Variants in NEK9 observed in about 807,000 individuals in gnomAD.
NEK9 encodes the protein NIMA related kinase 9.
A neutral mutation model predicts 123.4 loss-of-function variants in NEK9; 75 were observed. The observed-to-expected ratio is 0.61, with a 90% CI of 0.50 to 0.74. NEK9 has a LOEUF of 0.74. NEK9 is among the 30% of genes least tolerant of loss of function. The probability of loss-of-function intolerance (pLI) is 0.00; values close to 1 mark genes in which losing one functional copy is unlikely to be tolerated. For missense variants in NEK9, 952 were observed against 1,214.4 expected, an observed-to-expected ratio of 0.78 and a Z score of 3.21; for synonymous variants, 438 against 458.7, an observed-to-expected ratio of 0.95 and a Z score of 0.58.
In NEK9 at chr14:75,091,377, G is replaced by A. The variant is rs374517383; in HGVS notation, c.2335C>T (p.Arg779Ter). 47 of 1,613,768 alleles carry A rather than the reference G, an allele frequency of 2.9e-5. No individual in the cohort carries two copies. The highest frequency in any genetic ancestry group is 4.4e-5 in the South Asian group (4 of 91,054). ...CCTCGGTCTGCTTCCATTGTTCCTC[G>A]GAAGCCTCCACTTGGGTCAGGAGTT... The part of the protein sequence containing the change: ...SETPDPSGGF[R>*]GTMEADRGME... Residue 779 changes from arginine to a stop codon, truncating the protein, a stop_gained, in exon 19 of 22, where the codon CGA becomes TGA. Transcript: ENST00000238616. LOFTEE classifies it high-confidence loss of function.
In NEK9 at chr14:75,100,128, C is replaced by CAAAAAAAAAAAAA. The variant is rs71119346; in HGVS notation, c.2002+851_2002+863dup. Among the ~76,000 whole-genome samples the CAAAAAAAAAAAAA allele has an allele frequency of 1.1e-3, 17 of 15,626 alleles. 6 individuals carry two copies. Among genetic ancestry groups the CAAAAAAAAAAAAA allele is most frequent in the Non-Finnish European group, 2.1e-3 (15 of 7,310 alleles). 10.3% of individuals were successfully genotyped at this position (15,626 alleles called of 152,430 possible). A position where few individuals can be genotyped will look rare whatever the true frequency, so the allele number is the denominator to read the frequency against. ...TGGGCAATAGAGCAAGACTCCATCT[C>CAAAAAAAAAAAAA]AAAAAAAAAAAAAAAAAAAAAAAAA... is the stretch of plus-strand genomic sequence containing the variant. On this transcript the variant is annotated intron_variant, in intron 16 of 21. Coordinates refer to ENST00000238616, the MANE Select transcript of NEK9 (RefSeq NM_033116.6).
At position 75,123,447 on chromosome 14, in the gene NEK9, A is replaced by C. The variant is rs966070576; in HGVS notation, c.397+599T>G. Among the ~76,000 whole-genome samples the C allele has an allele frequency of 2.6e-5, 4 of 152,066 alleles. No individual in the cohort carries two copies. In the South Asian group the frequency reaches 8.3e-4, roughly 31 times the overall value. Reference sequence around the variant, plus strand: ...TAATAAAAATAAAATGAGGAAACTGAGGCACAGAGAAGTTAAGTTTCTTGC... The same window carrying C: ...TAATAAAAATAAAATGAGGAAACTGCGGCACAGAGAAGTTAAGTTTCTTGC... On this transcript the variant is annotated intron_variant, in intron 2 of 21. Coordinates refer to ENST00000238616, the MANE Select transcript of NEK9 (RefSeq NM_033116.6).
intron 8 of NEK9, among the ~76,000 whole-genome samples, chr14:75,111,347 A>T (rs1050217494): frequency 6.6e-6 from 1 of 152,174 alleles, no homozygotes; most frequent in Non-Finnish European, 1.5e-5. Flanking sequence ...AGCTCCTGAT[A>T]TTTTGCATCA....
intron 18 of NEK9, among the ~76,000 whole-genome samples, chr14:75,094,725 A>G (rs575335458): frequency 1.3e-5 from 2 of 152,314 alleles, no homozygotes; most frequent in South Asian, 4.1e-4. Context: ...GGATGCAGTG[A>G]GCCGAGATTG....
In NEK9 at chr14:75,084,417, A is replaced by C; in HGVS notation, c.*147T>G. ...TCTAAAAGGCAATGCCACTCTCCAAATGTACAAGGAAAGTGCTTCAGAGCC... is the reference window on the plus strand; with the variant it reads ...TCTAAAAGGCAATGCCACTCTCCAACTGTACAAGGAAAGTGCTTCAGAGCC... On this transcript the variant is annotated 3_prime_UTR_variant, in exon 22 of 22. Transcript: ENST00000238616. 1 of 891,294 alleles carries C rather than the reference A, an allele frequency of 1.1e-6. No homozygotes were observed. The highest frequency in any genetic ancestry group is 1.8e-6 in the Non-Finnish European group (1 of 570,458). The allele number at this position is 891,294 out of a possible 1,614,324, so 55.2% of individuals were successfully genotyped here.
At chr14:75,105,664 A>G (rs919247612) in intron 13 of NEK9, among the ~76,000 whole-genome samples, 10 of 152,206 alleles carry the variant, frequency 6.6e-5, no homozygotes, top group African/African-American at 2.2e-4. Context: ...ATTTGTAGCT[A>G]TATGTGACTT....
At chr14:75,115,084 T>C (rs72736236) in intron 6 of NEK9, among the ~76,000 whole-genome samples, 5,151 of 123,614 alleles carry the variant, frequency 0.042, 130 homozygotes, top group South Asian at 0.063. Context: ...TATATACACG[T>C]GTGTGTACAT....
chr14:75,100,944 A>G (rs892228531), intron 16 of NEK9, 48 bp downstream of exon 16: 5 of 1,569,014 alleles, frequency 3.2e-6, no homozygotes, highest in African/African-American at 1.4e-5. Flanking sequence ...CAAGAACTGA[A>G]ACACAGCCAT....
chr14:75,110,807 A>G (rs752522217), intron 8 of NEK9, among the ~76,000 whole-genome samples: 9 of 151,792 alleles, frequency 5.9e-5, no homozygotes, highest in Admixed American at 4.6e-4. Flanking sequence ...CCCTTCCCCA[A>G]TTCTCCCAGT....
At chr14:75,096,910 A>C (rs1486306949) in intron 17 of NEK9, 190 bp downstream of exon 17, 1 of 421,432 alleles carries the variant, frequency 2.4e-6, no homozygotes, top group Non-Finnish European at 4.1e-6. Context: ...AAGAGATGGC[A>C]GATAGCAAAG....
In NEK9 at chr14:75,087,158, T is replaced by A; in HGVS notation, c.2677A>T (p.Ser893Cys). ...CTCTCAACCTCCACCTGCAGAGAGC[T>A]GCACGCACACGCAGGAGGAGTCAGT... ...TPLTPPACAC[S>C]SLQVEVERLQ... Residue 893 changes from serine to cysteine, a missense_variant, in exon 21 of 22, where the codon AGC (serine) becomes TGC (cysteine). Ser to Cys is a moderately radical substitution (Grantham distance 112). Coordinates refer to ENST00000238616, the MANE Select transcript of NEK9 (RefSeq NM_033116.6). 6.2e-7 allele frequency: 1 copy of A among 1,614,174 alleles called. No homozygotes were observed.
chr14:75,107,638 G>T, intron 10 of NEK9, 151 bp from the exon 11 acceptor site: 6 of 574,794 alleles, frequency 1.0e-5, no homozygotes, highest in Non-Finnish European at 1.7e-5. Flanking sequence ...CAAAGTGCTG[G>T]GATTGTAGAC....
chr14:75,094,837 C>T (rs1354892382), intron 18 of NEK9, among the ~76,000 whole-genome samples: 1 of 152,040 alleles, frequency 6.6e-6, no homozygotes, highest in Non-Finnish European at 1.5e-5. Context: ...TCAAAGACTA[C>T]AGGGACTCTA....
rs539026696 is a variant in NEK9, at chr14:75,104,241, C to T, written c.1576-244G>A. On this transcript the variant is annotated intron_variant, in intron 13 of 21. Coordinates refer to ENST00000238616, the MANE Select transcript of NEK9 (RefSeq NM_033116.6). ...GTGAAGTCGTGCGATCTTAGCTCAC[C>T]GCAATCTCTGCCTCCCAGGTTCAAG... 1.1e-4 allele frequency among the ~76,000 whole-genome samples: 17 copies of T among 151,744 alleles called. No individual in the cohort carries two copies. In the South Asian group the frequency reaches 2.3e-3, roughly 20 times the overall value.
Position 75,080,154 on chromosome 14 carries a change from A to C in NEK9, c.*4410T>G, listed in dbSNP as rs1893826658. On this transcript the variant is annotated 3_prime_UTR_variant, in exon 22 of 22. Transcript: ENST00000238616. ...AGACCATCCTGGCCAACATGGTGAA[A>C]CCCCGTCTCTACTAAAAATACAAAA... is the stretch of plus-strand genomic sequence containing the variant. 6.6e-6 allele frequency: 1 copy of C among 152,080 alleles called. No homozygotes were observed. The highest frequency in any genetic ancestry group is 2.4e-5 in the African/African-American group (1 of 41,380). 9.4% of individuals were successfully genotyped at this position (152,080 alleles called of 1,614,324 possible).
chr14:75,119,409 C>T (rs1895249289), intron 4 of NEK9, among the ~76,000 whole-genome samples: 1 of 152,200 alleles, frequency 6.6e-6, no homozygotes, highest in African/African-American at 2.4e-5. Flanking sequence ...CTTTCACATG[C>T]TATTTAACAC....
chr14:75,091,552 T>C, intron 18 of NEK9, 74 bp from the exon 19 acceptor site: 1 of 1,302,064 alleles, frequency 7.7e-7, no homozygotes, highest in East Asian at 2.7e-5. Context: ...ACAACCCTAC[T>C]TACCCTGGAA....
intron 18 of NEK9, among the ~76,000 whole-genome samples, chr14:75,092,265 C>A (rs1425918147): frequency 7.9e-6 from 1 of 126,038 alleles, no homozygotes; most frequent in Non-Finnish European, 1.7e-5. Flanking sequence ...AGCCACTGCA[C>A]CCAGCAATTT....
chr14:75,097,215 G>A lies in NEK9; in HGVS notation c.2058C>T (p.Pro686=), dbSNP rs1336597612. 5 of 1,611,664 alleles carry A rather than the reference G, an allele frequency of 3.1e-6. No homozygotes were observed. The African/African-American group carries it at 6.7e-5, about 22-fold the overall frequency. Reference sequence around the variant, plus strand: ...TATCAGAGCCATGTGGTCTCTCTGTGGGGGTCATTGCCAGGCGGCCATTAC... The same window carrying A: ...TATCAGAGCCATGTGGTCTCTCTGTAGGGGTCATTGCCAGGCGGCCATTAC... ...NGGNGRLAMT[P]TERPHGSDIC... is the part of the protein sequence containing the mutation. Residue 686 remains proline (P), a synonymous_variant, in exon 17 of 22, where the codon CCC becomes CCT. Transcript: ENST00000238616.
Sources: gnomAD v4.1 joint callset for allele counts (sites outside exome capture counted in the v4.1 genomes callset) on GRCh38, gnomAD v4.1.1 for gene constraint, MANE v1.5 for transcripts, NCBI Gene and HGNC (gene_info 2026-07-23, HGNC 2026-07-21) for gene names.